The following THADA variants were observed in gnomAD, a reference collection of about 807,000 sequenced individuals.
THADA encodes the protein tRNA (32-2'-O)-methyltransferase regulator THADA.
THADA carries 213 observed loss-of-function variants against 219.8 expected under a neutral mutation model. The ratio of observed to expected loss-of-function variants is 0.97; its 90% CI spans 0.87 to 1.09. THADA has a LOEUF of 1.09. Ranked by LOEUF, THADA falls within the 50% of genes least tolerant of loss-of-function variation. The pLI is 0.00. For missense variants in THADA, 2,956 were observed against 2,311.3 expected (o/e 1.28, Z -5.72); for synonymous variants, 1,018 against 828.9 (o/e 1.23, Z -3.92).
intron 28 of THADA, among the ~76,000 whole-genome samples, chr2:43,401,829 G>C (rs1299431470): frequency 6.6e-6 from 1 of 152,038 alleles, no homozygotes; most frequent in South Asian, 2.1e-4. Context: ...TACCCAACCT[G>C]TAGCTCACAC....
At chr2:43,332,085 T>A (rs1665853711) in intron 30 of THADA, among the ~76,000 whole-genome samples, 1 of 152,206 alleles carries the variant, frequency 6.6e-6, no homozygotes, top group Non-Finnish European at 1.5e-5. Flanking sequence ...ACAATTAATC[T>A]TATTATTATT....
chr2:43,339,754 A>G (rs1181664574), intron 30 of THADA, among the ~76,000 whole-genome samples: 3 of 152,172 alleles, frequency 2.0e-5, no homozygotes, highest in Middle Eastern at 3.2e-3. Flanking sequence ...ACTCTTAGCC[A>G]AAGTAAATAA....
rs1676021610 is a variant in THADA, at chr2:43,299,660, C to G, written c.4439-6447G>C. Reference sequence around the variant, plus strand: ...CTGAGCAACAGAAGAGACTCTGTCTCAAAAACAACAACACCAACAAAAACC... The same window carrying G: ...CTGAGCAACAGAAGAGACTCTGTCTGAAAAACAACAACACCAACAAAAACC... On this transcript the variant is annotated intron_variant, in intron 31 of 37. Transcript: ENST00000405975. 2.6e-5 allele frequency among the ~76,000 whole-genome samples: 4 copies of G among 151,942 alleles called. No individual in the cohort carries two copies. The South Asian group carries it at 8.3e-4, about 31-fold the overall frequency.
chr2:43,593,429 C>T (rs1574411094), intron 1 of THADA, among the ~76,000 whole-genome samples: 2 of 152,088 alleles, frequency 1.3e-5, no homozygotes, highest in African/African-American at 2.4e-5. Flanking sequence ...GCATTAGGTA[C>T]AGCGCTGGCG....
chr2:43,537,317 T>G (rs1249871684), intron 21 of THADA, among the ~76,000 whole-genome samples: 1 of 152,238 alleles, frequency 6.6e-6, no homozygotes, highest in Non-Finnish European at 1.5e-5. Flanking sequence ...GTATCCTCTA[T>G]TGTATTTCTA....
At chr2:43,448,364 C>T (rs1681848110) in intron 26 of THADA, among the ~76,000 whole-genome samples, 1 of 152,158 alleles carries the variant, frequency 6.6e-6, no homozygotes, top group African/African-American at 2.4e-5. Context: ...TTACACAAAG[C>T]CTGTGGGATG....
chr2:43,354,138 T>G (rs1237506896), intron 29 of THADA, among the ~76,000 whole-genome samples: 2 of 151,970 alleles, frequency 1.3e-5, no homozygotes, highest in Non-Finnish European at 2.9e-5. Flanking sequence ...GTATTTTTAG[T>G]AGAGACAGGG....
chr2:43,269,902 G>C (rs2104260604), intron 36 of THADA, among the ~76,000 whole-genome samples: 1 of 152,268 alleles, frequency 6.6e-6, no homozygotes, highest in African/African-American at 2.4e-5. Context: ...CTCAGGGTGT[G>C]GTTTGATTGC....
At position 43,577,065 on chromosome 2, in the gene THADA, G is replaced by C; in HGVS notation, c.994C>G (p.Leu332Val). The C allele has an allele frequency of 6.2e-7, 1 of 1,613,566 alleles. No homozygotes were observed. Among genetic ancestry groups the C allele is most frequent in the Non-Finnish European group, 8.5e-7 (1 of 1,179,766 alleles). ...AAAACATGTGCAGTATCCAAGAGCA[G>C]GGCCTCCCCACTCCGACCCATGCTT... Reference protein sequence around the residue: ...NGSMGRSGEALLLDTAHVLFT... With the variant: ...NGSMGRSGEAVLLDTAHVLFT... Residue 332 changes from leucine to valine, a missense_variant, in exon 10 of 38, where the codon CTG (leucine) becomes GTG (valine). Transcript: ENST00000405975.
chr2:43,261,518 T>C (rs2104207934), intron 36 of THADA, among the ~76,000 whole-genome samples: 1 of 152,172 alleles, frequency 6.6e-6, no homozygotes, highest in Non-Finnish European at 1.5e-5. Context: ...TGGACTGCAA[T>C]GGCACGATCT....
intron 29 of THADA, among the ~76,000 whole-genome samples, chr2:43,376,656 T>C (rs1319018724): frequency 6.6e-6 from 1 of 152,184 alleles, no homozygotes; most frequent in African/African-American, 2.4e-5. Flanking sequence ...ATGTCAGTAA[T>C]GACTGACATT....
At chr2:43,528,439 A>T (rs1693456560) in intron 21 of THADA, among the ~76,000 whole-genome samples, 1 of 151,120 alleles carries the variant, frequency 6.6e-6, no homozygotes, top group Non-Finnish European at 1.5e-5. Flanking sequence ...CATTTTAAGT[A>T]TTTTTTTTTA....
At chr2:43,491,245 A>T (rs1179846506) in intron 25 of THADA, among the ~76,000 whole-genome samples, 1 of 152,224 alleles carries the variant, frequency 6.6e-6, no homozygotes, top group Non-Finnish European at 1.5e-5. Context: ...ACTGACAATA[A>T]ATGCTAATAT....
intron 22 of THADA, among the ~76,000 whole-genome samples, chr2:43,513,888 G>A (rs1305376110): frequency 2.0e-5 from 3 of 151,858 alleles, no homozygotes; most frequent in East Asian, 3.9e-4. Flanking sequence ...ATAAATAAGG[G>A]AATAACTTCT....
intron 29 of THADA, among the ~76,000 whole-genome samples, chr2:43,351,501 C>T (rs920131860): frequency 6.6e-6 from 1 of 152,202 alleles, no homozygotes; most frequent in African/African-American, 2.4e-5. Context: ...CTCAACTACC[C>T]CCACTCCCAC....
At chr2:43,280,638 G>A (rs971141517) in intron 35 of THADA, among the ~76,000 whole-genome samples, 33 of 151,520 alleles carry the variant, frequency 2.2e-4, no homozygotes, top group African/African-American at 7.5e-4. Flanking sequence ...CCTCGCTCCC[G>A]ACCAAAAAAA....
At chr2:43,234,461 T>A (rs1217709189) in intron 36 of THADA, among the ~76,000 whole-genome samples, 1 of 152,066 alleles carries the variant, frequency 6.6e-6, no homozygotes, top group African/African-American at 2.4e-5. Flanking sequence ...GAACCCAGAT[T>A]TAAACCAGGA....
At chr2:43,472,231 T>C (rs1684986202) in intron 26 of THADA, among the ~76,000 whole-genome samples, 1 of 152,156 alleles carries the variant, frequency 6.6e-6, no homozygotes, top group Admixed American at 6.5e-5. Flanking sequence ...ACAGAAAGGT[T>C]AAAAACAGGC....
intron 22 of THADA, among the ~76,000 whole-genome samples, chr2:43,519,301 A>C (rs975573801): frequency 6.6e-6 from 1 of 152,136 alleles, no homozygotes; most frequent in Non-Finnish European, 1.5e-5. Flanking sequence ...AACCTCTGAA[A>C]TGCTATGAAA....
Sources: gnomAD v4.1 joint callset for allele counts (sites outside exome capture counted in the v4.1 genomes callset) on GRCh38, gnomAD v4.1.1 for gene constraint, MANE v1.5 for transcripts, NCBI Gene and HGNC (gene_info 2026-07-23, HGNC 2026-07-21) for gene names.